ATG7: variants seen among roughly 807,000 people sequenced by gnomAD.
ATG7 encodes autophagy related 7.
A neutral mutation model predicts 82.4 loss-of-function variants in ATG7; 70 were observed. The observed-to-expected ratio is 0.85, with a 90% CI of 0.70 to 1.04. The LOEUF is 1.04. Ranked by LOEUF, ATG7 falls within the 50% of genes least tolerant of loss-of-function variation. The pLI, the probability that ATG7 is intolerant of heterozygous loss-of-function variation, is 0.00. For missense variants in ATG7, 792 were observed against 864.3 expected (o/e 0.92, Z 1.05); for synonymous variants, 287 against 313.0 (o/e 0.92, Z 0.88).
chr3:11,358,070 T>C (rs1200417356), intron 14 of ATG7, among the ~76,000 whole-genome samples: 1 of 151,022 alleles, frequency 6.6e-6, no homozygotes, highest in Admixed American at 6.6e-5. Flanking sequence ...CAGAAGGTGC[T>C]GTGATAAAGT....
In ATG7 at chr3:11,550,171, AGTG is replaced by A. The variant is rs575415024; in HGVS notation, c.2080-4637_2080-4635del. ...CTGCAACTTGCCTTTTCATTTTCTC[AGTG>A]GTATCCTTCCAAGATCAGAAATTTT... On this transcript the variant is annotated intron_variant, in intron 20 of 20. Coordinates refer to ENST00000693202, the MANE Select transcript of ATG7 (RefSeq NM_001349232.2). Among the ~76,000 whole-genome samples, 71 of 152,130 alleles carry A rather than the reference AGTG, an allele frequency of 4.7e-4. No individual in the cohort carries two copies. In the South Asian group the frequency reaches 0.015, roughly 32 times the overall value.
chr3:11,375,791 C>T (rs987709117), intron 18 of ATG7, among the ~76,000 whole-genome samples: 3 of 152,204 alleles, frequency 2.0e-5, no homozygotes, highest in Admixed American at 6.5e-5. Flanking sequence ...AATTCCCGAC[C>T]TTGTGATCCG....
At chr3:11,492,725 T>C (rs2090481978) in intron 20 of ATG7, among the ~76,000 whole-genome samples, 1 of 152,170 alleles carries the variant, frequency 6.6e-6, no homozygotes, top group Non-Finnish European at 1.5e-5. Context: ...CCGGTCACTT[T>C]AGCACTGGCA....
intron 14 of ATG7, among the ~76,000 whole-genome samples, chr3:11,349,398 G>A (rs1482915366): frequency 6.6e-6 from 1 of 152,112 alleles, no homozygotes; most frequent in African/African-American, 2.4e-5. Context: ...GCCAGGTGTG[G>A]TGGTGGTGTG....
At chr3:11,396,003 T>A in intron 19 of ATG7, among the ~76,000 whole-genome samples, 1 of 143,350 alleles carries the variant, frequency 7.0e-6, no homozygotes, top group Non-Finnish European at 1.5e-5. Flanking sequence ...GTATTAAAGG[T>A]ATTTTGTATA....
chr3:11,387,435 A>AT (rs1411859135), intron 19 of ATG7, among the ~76,000 whole-genome samples: 4 of 151,848 alleles, frequency 2.6e-5, no homozygotes, highest in Non-Finnish European at 5.9e-5. Context: ...TCCCAGACAA[A>AT]TTTTTTCTTA....
chr3:11,417,808 TTATTTTA>T (rs1209229681), intron 19 of ATG7, among the ~76,000 whole-genome samples: 27 of 25,486 alleles, frequency 1.1e-3, no homozygotes, highest in East Asian at 1.9e-3. Flanking sequence ...TTATTTTATT[TTATTTTA>T]TTTTTTTTTT....
intron 20 of ATG7, among the ~76,000 whole-genome samples, chr3:11,471,758 T>TTTTTTTGAAA (rs2087562574): frequency 1.4e-5 from 2 of 145,730 alleles, no homozygotes; most frequent in East Asian, 2.0e-4. Flanking sequence ...TTTTTTTTTT[T>TTTTTTTGAAA]TTTGAAATGT....
intron 20 of ATG7, among the ~76,000 whole-genome samples, chr3:11,484,878 A>C (rs1212640575): frequency 1.3e-5 from 2 of 152,044 alleles, no homozygotes; most frequent in East Asian, 1.9e-4. Context: ...TGAACTCATC[A>C]TTTTTTATGG....
intron 3 of ATG7, among the ~76,000 whole-genome samples, chr3:11,283,962 C>T (rs933994170): frequency 3.9e-5 from 6 of 152,018 alleles, no homozygotes. Context: ...AACTCCCCTG[C>T]TCTCCTAAAG....
At chr3:11,485,552 C>G (rs764209690) in intron 20 of ATG7, among the ~76,000 whole-genome samples, 1 of 152,076 alleles carries the variant, frequency 6.6e-6, no homozygotes, top group African/African-American at 2.4e-5. Flanking sequence ...TTAATTAGAT[C>G]CCATTTGTCT....
At chr3:11,354,356 G>A (rs1318657012) in intron 14 of ATG7, among the ~76,000 whole-genome samples, 1 of 152,078 alleles carries the variant, frequency 6.6e-6, no homozygotes, top group Non-Finnish European at 1.5e-5. Flanking sequence ...GCAATAAGAT[G>A]TCAGATTATG....
At chr3:11,280,352 A>G (rs1262673873) in intron 1 of ATG7, among the ~76,000 whole-genome samples, 3 of 152,238 alleles carry the variant, frequency 2.0e-5, no homozygotes, top group African/African-American at 4.8e-5. Context: ...TCTTCACACT[A>G]ATTCTGCACA....
At chr3:11,500,992 C>T (rs905496856) in intron 20 of ATG7, among the ~76,000 whole-genome samples, 1 of 152,204 alleles carries the variant, frequency 6.6e-6, no homozygotes, top group Non-Finnish European at 1.5e-5. Flanking sequence ...TGGTAGCTCA[C>T]CCTGGTAATT....
rs1450476368 is a variant in ATG7 at position 11,347,932 on chromosome 3, A to G, written c.1181A>G (p.Asn394Ser). The change falls in exon 14 of 21, where the codon AAT (asparagine) becomes AGT (serine). Residue 394 changes from asparagine to serine, a missense_variant. Coordinates refer to ENST00000693202, the MANE Select transcript of ATG7 (RefSeq NM_001349232.2). ...GACAATGCCAAGATCTCCTACTCCA[A>G]TCCTGTGAGGCAGCCTCTCTATGAG... ...FVDNAKISYSNPVRQPLYEFE... is the reference protein window; with the variant it reads ...FVDNAKISYSSPVRQPLYEFE... 3 of 1,614,074 alleles carry G rather than the reference A, an allele frequency of 1.9e-6. No homozygotes were observed. The highest frequency in any genetic ancestry group is 2.5e-6 in the Non-Finnish European group (3 of 1,179,998).
chr3:11,409,567 C>T (rs2152912629), intron 19 of ATG7, among the ~76,000 whole-genome samples: 1 of 152,198 alleles, frequency 6.6e-6, no homozygotes, highest in South Asian at 2.1e-4. Flanking sequence ...TGTATACCCC[C>T]ATCATAAGTT....
intron 20 of ATG7, among the ~76,000 whole-genome samples, chr3:11,528,982 C>G (rs909634271): frequency 1.3e-5 from 2 of 152,078 alleles, no homozygotes; most frequent in East Asian, 3.9e-4. Flanking sequence ...GATAGGCTTT[C>G]TGCAGAATGG....
chr3:11,344,860 C>CACTGGG (rs1159706544), intron 13 of ATG7, among the ~76,000 whole-genome samples: 2 of 152,118 alleles, frequency 1.3e-5, no homozygotes, highest in Non-Finnish European at 2.9e-5. Context: ...TAAAGCAAGA[C>CACTGGG]ACTGTCTCAA....
chr3:11,405,930 T>C (rs2080286853), intron 19 of ATG7, among the ~76,000 whole-genome samples: 1 of 152,122 alleles, frequency 6.6e-6, no homozygotes, highest in East Asian at 1.9e-4. Context: ...CACCTGGCCA[T>C]GTGTAGCATT....
Sources: allele counts gnomAD v4.1 joint callset (sites outside exome capture counted in the v4.1 genomes callset), GRCh38; gene constraint gnomAD v4.1.1; transcripts MANE v1.5; gene names NCBI Gene and HGNC (gene_info 2026-07-23, HGNC 2026-07-21).